The following SNTG1 variants were observed in gnomAD, a reference collection of about 807,000 sequenced individuals.
The protein encoded by SNTG1 is gamma-1-syntrophin.
In SNTG1, 39 loss-of-function variants were observed where a neutral mutation model predicts 74.7. That is an observed-to-expected ratio of 0.52 (90% CI 0.40 to 0.68). The LOEUF (loss-of-function observed/expected upper bound fraction) is 0.68, where lower values mean the gene tolerates loss of function less well. Ranked by LOEUF, SNTG1 falls within the 30% of genes least tolerant of loss-of-function variation. The probability of loss-of-function intolerance (pLI) is 0.00; values close to 1 mark genes in which losing one functional copy is unlikely to be tolerated. For missense variants in SNTG1, 685 were observed against 609.5 expected (o/e 1.12, Z -1.30); for synonymous variants, 254 against 217.1 (o/e 1.17, Z -1.49).
intron 10 of SNTG1, among the ~76,000 whole-genome samples, chr8:50,536,284 C>T (rs936450439): frequency 6.6e-6 from 1 of 152,070 alleles, no homozygotes. Flanking sequence ...TCATAAAATA[C>T]TCTCTATTTG....
chr8:50,090,904 G>C (rs182035917), intron 1 of SNTG1, among the ~76,000 whole-genome samples: 1 of 152,100 alleles, frequency 6.6e-6, no homozygotes, highest in Non-Finnish European at 1.5e-5. Flanking sequence ...AGGCCACAAT[G>C]GGGCCCTTGT....
chr8:50,668,889 A>C (rs1452676996), intron 15 of SNTG1, among the ~76,000 whole-genome samples: 1 of 152,030 alleles, frequency 6.6e-6, no homozygotes, highest in Non-Finnish European at 1.5e-5. Context: ...ATTGGTGGGC[A>C]TTTGGGTTGG....
intron 1 of SNTG1, among the ~76,000 whole-genome samples, chr8:50,155,935 G>A (rs1586517316): frequency 1.3e-5 from 2 of 151,380 alleles, no homozygotes; most frequent in East Asian, 1.9e-4. Flanking sequence ...ATTTGTCAGA[G>A]CAACACCATG....
intron 2 of SNTG1, among the ~76,000 whole-genome samples, chr8:50,249,407 C>T (rs1056312373): frequency 6.6e-6 from 1 of 152,234 alleles, no homozygotes; most frequent in African/African-American, 2.4e-5. Flanking sequence ...GCTGGCCTCA[C>T]CTCAGCAGAG....
chr8:50,143,405 A>G (rs6991830), intron 1 of SNTG1, among the ~76,000 whole-genome samples: 11,995 of 152,242 alleles, frequency 0.079, 1,532 homozygotes, highest in African/African-American at 0.27. Flanking sequence ...TGGGGAATAC[A>G]ATTATATTTT....
chr8:50,493,262 TA>T (rs963339482), intron 8 of SNTG1, among the ~76,000 whole-genome samples: 3 of 152,166 alleles, frequency 2.0e-5, no homozygotes, highest in African/African-American at 7.2e-5. Context: ...ATATATTCTG[TA>T]CAGAGGAAGA....
intron 1 of SNTG1, among the ~76,000 whole-genome samples, chr8:50,137,525 C>T (rs537980193): frequency 6.6e-6 from 1 of 152,262 alleles, no homozygotes; most frequent in Non-Finnish European, 1.5e-5. Flanking sequence ...GACAGTCACT[C>T]ATTAAGTAAA....
chr8:50,112,397 G>A lies in SNTG1; in HGVS notation c.-102-60164G>A, dbSNP rs147667592. Among the ~76,000 whole-genome samples, 534 of 150,926 alleles carry A rather than the reference G, an allele frequency of 3.5e-3. 4 individuals carry two copies. Among genetic ancestry groups the A allele is most frequent in the African/African-American group, 0.013 (515 of 41,166 alleles). Reference sequence around the variant, plus strand: ...GGTTCATATGGTAGCATAAACTGAAGCAATACAGCAATTGGATCTAAGAAT... The same window carrying A: ...GGTTCATATGGTAGCATAAACTGAAACAATACAGCAATTGGATCTAAGAAT... On this transcript the variant is annotated intron_variant, in intron 1 of 18. Coordinates refer to ENST00000642720, the MANE Select transcript of SNTG1 (RefSeq NM_018967.5).
At chr8:50,031,768 T>C (rs1426221553) in intron 1 of SNTG1, among the ~76,000 whole-genome samples, 1 of 152,078 alleles carries the variant, frequency 6.6e-6, no homozygotes, top group African/African-American at 2.4e-5. Flanking sequence ...TATTTATGAA[T>C]AATATTGTCC....
intron 2 of SNTG1, among the ~76,000 whole-genome samples, chr8:50,200,277 A>G (rs574085817): frequency 2.6e-5 from 4 of 152,174 alleles, no homozygotes; most frequent in Admixed American, 2.6e-4. Context: ...CAAGTGCTGG[A>G]AGTGGAAGTG....
intron 2 of SNTG1, among the ~76,000 whole-genome samples, chr8:50,266,678 G>GTATATA (rs1160066855): frequency 8.0e-5 from 11 of 136,910 alleles, no homozygotes; most frequent in African/African-American, 2.6e-4. Flanking sequence ...GTGTGTGTGT[G>GTATATA]TGTGTGTATA....
intron 1 of SNTG1, among the ~76,000 whole-genome samples, chr8:50,037,995 C>T (rs1343953908): frequency 6.6e-6 from 1 of 152,116 alleles, no homozygotes; most frequent in Non-Finnish European, 1.5e-5. Context: ...TCCTTGCCCT[C>T]GCTTTTAATT....
rs914235954 is a variant in SNTG1 at position 50,088,829 on chromosome 8, C to G, written c.-102-83732C>G. ...CAATATCGTGAAAATGGCCATACTG[C>G]CCAAGGTAATTTACAGATTCAATGC... is the stretch of plus-strand genomic sequence containing the variant. On this transcript the variant is annotated intron_variant, in intron 1 of 18. Transcript: ENST00000642720. Among the ~76,000 whole-genome samples, 11 of 148,402 alleles carry G rather than the reference C, an allele frequency of 7.4e-5. 1 individual carries two copies. Among genetic ancestry groups the G allele is most frequent in the African/African-American group, 2.4e-4 (10 of 40,966 alleles).
At chr8:50,002,629 CTTAAA>C (rs1814847406) in intron 1 of SNTG1, among the ~76,000 whole-genome samples, 1 of 151,828 alleles carries the variant, frequency 6.6e-6, no homozygotes. Flanking sequence ...GGTTTCAATT[CTTAAA>C]TTTATTTAAG....
chr8:50,607,486 A>T (rs2130965011), intron 13 of SNTG1, among the ~76,000 whole-genome samples: 1 of 151,610 alleles, frequency 6.6e-6, no homozygotes, highest in Admixed American at 6.6e-5. Context: ...TACTTATTTA[A>T]GTCATTGGTA....
At chr8:50,715,441 C>T (rs2095472738) in intron 17 of SNTG1, among the ~76,000 whole-genome samples, 1 of 152,068 alleles carries the variant, frequency 6.6e-6, no homozygotes, top group Admixed American at 6.6e-5. Flanking sequence ...GGCTTCTTTA[C>T]TTCAATTTAT....
intron 12 of SNTG1, among the ~76,000 whole-genome samples, chr8:50,585,876 C>A (rs1416148323): frequency 1.3e-5 from 2 of 151,950 alleles, no homozygotes; most frequent in African/African-American, 4.8e-5. Context: ...CAAATTATTG[C>A]CAGTATCTTT....
intron 17 of SNTG1, among the ~76,000 whole-genome samples, chr8:50,741,868 G>C (rs754995623): frequency 5.9e-5 from 9 of 152,040 alleles, no homozygotes; most frequent in Non-Finnish European, 8.8e-5. Flanking sequence ...GTGGGAAAGA[G>C]AGGGATGAGT....
chr8:50,162,431 G>A (rs2082451115), intron 1 of SNTG1, among the ~76,000 whole-genome samples: 1 of 151,700 alleles, frequency 6.6e-6, no homozygotes, highest in Non-Finnish European at 1.5e-5. Context: ...ACGTGGAGGC[G>A]GGTGCCTGTA....
Sources: gnomAD v4.1 joint callset for allele counts (sites outside exome capture counted in the v4.1 genomes callset) on GRCh38, gnomAD v4.1.1 for gene constraint, MANE v1.5 for transcripts, NCBI Gene and HGNC (gene_info 2026-07-23, HGNC 2026-07-21) for gene names.